Variants in PLCE1 observed in about 807,000 individuals in gnomAD.
The protein encoded by PLCE1 is phospholipase C epsilon 1.
In PLCE1, 119 loss-of-function variants were observed where a neutral mutation model predicts 242.8. The ratio of observed to expected loss-of-function variants is 0.49; its 90% CI spans 0.42 to 0.57. PLCE1 has a LOEUF of 0.57. PLCE1 is among the 20% of genes least tolerant of loss of function. PLCE1 has a pLI of 0.00. For synonymous variants in PLCE1, 945 were observed against 1,017.4 expected, an observed-to-expected ratio of 0.93 and a Z score of 1.35; for missense variants, 2,441 against 2,788.8, an observed-to-expected ratio of 0.88 and a Z score of 2.81.
At chr10:94,038,483 C>G (rs2061708260) in intron 2 of PLCE1, among the ~76,000 whole-genome samples, 1 of 152,136 alleles carries the variant, frequency 6.6e-6, no homozygotes, top group Non-Finnish European at 1.5e-5. Context: ...CCCTGAACCC[C>G]TAACCCCAAG....
chr10:94,089,334 G>C (rs756984928), intron 2 of PLCE1: 8 of 1,613,448 alleles, frequency 5.0e-6, no homozygotes, highest in Non-Finnish European at 3.4e-6. Flanking sequence ...ATTTTACCTT[G>C]TTAAAGGATG....
chr10:94,263,121 C>T (rs909783128), intron 14 of PLCE1, among the ~76,000 whole-genome samples: 4 of 152,110 alleles, frequency 2.6e-5, no homozygotes, highest in South Asian at 2.1e-4. Flanking sequence ...CTGCCCACCT[C>T]GGCCTCCCAA....
chr10:94,216,938 G>T (rs189026815), intron 4 of PLCE1, among the ~76,000 whole-genome samples: 3 of 150,822 alleles, frequency 2.0e-5, no homozygotes, highest in Non-Finnish European at 4.4e-5. Flanking sequence ...AAATTTAAAG[G>T]CCTGTGCTTT....
intron 2 of PLCE1, among the ~76,000 whole-genome samples, chr10:94,035,658 T>C (rs916815284): frequency 2.0e-5 from 3 of 152,090 alleles, no homozygotes; most frequent in African/African-American, 7.2e-5. Flanking sequence ...TTAAGGGAGA[T>C]TTCTAAAGGG....
chr10:94,164,325 A>G (rs1430927464), intron 3 of PLCE1, among the ~76,000 whole-genome samples: 1 of 152,092 alleles, frequency 6.6e-6, no homozygotes, highest in Non-Finnish European at 1.5e-5. Context: ...ACATAGTCCC[A>G]TATTTCTTGG....
chr10:94,293,219 C>A (rs1488262834), intron 22 of PLCE1, among the ~76,000 whole-genome samples: 2 of 152,178 alleles, frequency 1.3e-5, no homozygotes, highest in Admixed American at 6.5e-5. Context: ...TCTTTTCATG[C>A]AGTTTTTCAA....
At chr10:94,056,182 A>C (rs189639949) in intron 2 of PLCE1, among the ~76,000 whole-genome samples, 2 of 152,330 alleles carry the variant, frequency 1.3e-5, no homozygotes, top group East Asian at 3.9e-4. Context: ...TTAAAAATGC[A>C]GCCTCTTGTG....
intron 2 of PLCE1, among the ~76,000 whole-genome samples, chr10:94,090,661 T>C (rs1250336867): frequency 6.6e-6 from 1 of 152,254 alleles, no homozygotes; most frequent in Admixed American, 6.5e-5. Context: ...TGTAGGGGAC[T>C]GTGACTCTCC....
intron 4 of PLCE1, among the ~76,000 whole-genome samples, chr10:94,179,640 G>A (rs1045942586): frequency 6.7e-6 from 1 of 149,542 alleles, no homozygotes; most frequent in African/African-American, 2.5e-5. Flanking sequence ...CAAATAGTTG[G>A]GACTACAGGT....
chr10:94,055,028 A>AC (rs1554845673), intron 2 of PLCE1, among the ~76,000 whole-genome samples: 1 of 151,126 alleles, frequency 6.6e-6, no homozygotes, highest in Non-Finnish European at 1.5e-5. Flanking sequence ...AAAAAAAAAA[A>AC]GAAAAATGCC....
Position 94,132,262 on chromosome 10 carries a change from C to T in PLCE1, c.1295C>T (p.Ala432Val), listed in dbSNP as rs200380935. 3 of 1,613,870 alleles carry T rather than the reference C, an allele frequency of 1.9e-6. No homozygotes were observed. Among genetic ancestry groups the T allele is most frequent in the Non-Finnish European group, 2.5e-6 (3 of 1,179,926 alleles). Residue 432 changes from alanine (A) to valine (V), a missense_variant, in exon 3 of 33, where the codon GCC becomes GTC. This residue lies in a region of PLCE1 where 733 missense variants were observed against 754.2 expected (regional missense o/e 0.97). Coordinates refer to ENST00000371380, the MANE Select transcript of PLCE1 (RefSeq NM_016341.4). ...FLTKLPASET[A>V]HGRISVGPCL... is the part of the protein sequence containing the mutation. The stretch of plus-strand genomic sequence containing the variant: ...ACCAAGCTCCCAGCCTCCGAGACAG[C>T]CCATGGAAGGATAAGCGTTGGTCCA...
intron 2 of PLCE1, among the ~76,000 whole-genome samples, chr10:94,071,495 G>GTTTTTTTTTTTTTTTGTTGTTTTTT (rs2044353719): frequency 3.4e-4 from 28 of 83,306 alleles, no homozygotes; most frequent in African/African-American, 5.9e-4. Flanking sequence ...TTTGGTTTTC[G>GTTTTTTTTTTTTTTTGTTGTTTTTT]TTTTTTTTTT....
chr10:94,213,108 G>A (rs942971815), intron 4 of PLCE1, among the ~76,000 whole-genome samples: 1 of 152,060 alleles, frequency 6.6e-6, no homozygotes, highest in Admixed American at 6.6e-5. Context: ...CCACCAGTGC[G>A]GTTACCACTC....
intron 4 of PLCE1, among the ~76,000 whole-genome samples, chr10:94,190,243 G>A (rs758168049): frequency 6.6e-6 from 1 of 152,194 alleles, no homozygotes; most frequent in Non-Finnish European, 1.5e-5. Context: ...TGGCGCTACT[G>A]TACTCCAGTC....
intron 1 of PLCE1, among the ~76,000 whole-genome samples, chr10:93,997,735 T>C (rs892133276): frequency 6.6e-6 from 1 of 150,466 alleles, no homozygotes; most frequent in Non-Finnish European, 1.5e-5. Context: ...TGTTTAGCAG[T>C]TGAGGTTTTG....
Position 94,223,191 on chromosome 10 carries a change from G to A in PLCE1, c.1810-4115G>A, listed in dbSNP as rs1361725590. ...GCGGGAGGATCACTTGAGGCCAGAA[G>A]TTCAAGATCAGCCTGGGCAACATAG... On this transcript the variant is annotated intron_variant, in intron 4 of 32. Transcript: ENST00000371380. Among the ~76,000 whole-genome samples the A allele has an allele frequency of 1.6e-5, 2 of 124,326 alleles. 1 individual carries two copies. Among genetic ancestry groups the A allele is most frequent in the African/African-American group, 6.2e-5 (2 of 32,490 alleles). The allele number at this position is 124,326 out of a possible 152,430, so 81.6% of individuals were successfully genotyped here. A position where few individuals can be genotyped will look rare whatever the true frequency, so the allele number is the denominator to read the frequency against.
Position 94,067,095 on chromosome 10 carries a change from C to T in PLCE1, c.1206+34843C>T, listed in dbSNP as rs186323219. The stretch of plus-strand genomic sequence containing the variant: ...CTTCAAAACAAAACCCCTATCTCTG[C>T]TTCTGATTTTCCTCCCCAACCCTCA... On this transcript the variant is annotated intron_variant, in intron 2 of 32. Coordinates refer to ENST00000371380, the MANE Select transcript of PLCE1 (RefSeq NM_016341.4). Among the ~76,000 whole-genome samples, 12 of 152,294 alleles carry T rather than the reference C, an allele frequency of 7.9e-5. No homozygotes were observed. In the East Asian group the frequency reaches 2.3e-3, roughly 29 times the overall value.
chr10:94,015,202 T>G (rs993644086), intron 1 of PLCE1, among the ~76,000 whole-genome samples: 3 of 152,182 alleles, frequency 2.0e-5, no homozygotes, highest in South Asian at 2.1e-4. Flanking sequence ...TGATATAGTA[T>G]AGGGGCTGCT....
At chr10:93,996,142 T>C (rs907381498) in intron 1 of PLCE1, among the ~76,000 whole-genome samples, 2 of 152,188 alleles carry the variant, frequency 1.3e-5, no homozygotes, top group Non-Finnish European at 2.9e-5. Flanking sequence ...TGCGCGCGCG[T>C]GTGTGTTCCA....
Sources: gnomAD v4.1 joint callset for allele counts (sites outside exome capture counted in the v4.1 genomes callset) on GRCh38, gnomAD v4.1.1 for gene constraint, gnomAD v4.1.1 regional missense constraint, MANE v1.5 for transcripts, NCBI Gene and HGNC (gene_info 2026-07-23, HGNC 2026-07-21) for gene names.